Variants in PIGK observed in about 807,000 individuals in gnomAD.
PIGK encodes the protein GPI-anchor transamidase.
PIGK carries 42 observed loss-of-function variants against 50.6 expected under a neutral mutation model. That is an observed-to-expected ratio of 0.83 (90% confidence interval 0.65 to 1.07). The LOEUF (loss-of-function observed/expected upper bound fraction) is 1.07, where lower values mean the gene tolerates loss of function less well. PIGK is among the 50% of genes least tolerant of loss of function. The pLI, the probability that PIGK is intolerant of heterozygous loss-of-function variation, is 0.00. For synonymous variants in PIGK, 151 were observed against 156.0 expected (o/e 0.97, Z 0.24); for missense variants, 448 against 488.7 (o/e 0.92, Z 0.78).
At chr1:77,137,109 A>G (rs543580207) in intron 9 of PIGK, among the ~76,000 whole-genome samples, 1 of 152,300 alleles carries the variant, frequency 6.6e-6, no homozygotes, top group African/African-American at 2.4e-5. Flanking sequence ...ACAGGGCTCC[A>G]GTTTCAAATC....
intron 9 of PIGK, among the ~76,000 whole-genome samples, chr1:77,134,768 G>A (rs1054355151): frequency 6.6e-6 from 1 of 152,032 alleles, no homozygotes; most frequent in Non-Finnish European, 1.5e-5. Flanking sequence ...TAAGCCTACT[G>A]CAAATTATTC....
intron 10 of PIGK, among the ~76,000 whole-genome samples, chr1:77,100,128 G>A (rs928305842): frequency 1.3e-5 from 2 of 152,038 alleles, no homozygotes; most frequent in Non-Finnish European, 2.9e-5. Flanking sequence ...TTAAAATTAT[G>A]TAAAAAGAAA....
At chr1:77,219,252 T>A in intron 1 of PIGK, 58 bp downstream of exon 1, 1 of 1,394,588 alleles carries the variant, frequency 7.2e-7, no homozygotes, top group Non-Finnish European at 1.0e-6. Flanking sequence ...GTATCGGACA[T>A]CTGCTGGAGG....
At chr1:77,172,778 G>T (rs1292972140) in intron 3 of PIGK, among the ~76,000 whole-genome samples, 2 of 151,972 alleles carry the variant, frequency 1.3e-5, no homozygotes, top group Non-Finnish European at 2.9e-5. Context: ...AAAAAAATTA[G>T]CCGGGCGTGA....
At chr1:77,136,536 CAAAAAAAAAAA>C (rs778130093) in intron 9 of PIGK, among the ~76,000 whole-genome samples, 2 of 63,672 alleles carry the variant, frequency 3.1e-5, no homozygotes, top group Non-Finnish European at 5.8e-5. Context: ...GACTCCGTCT[CAAAAAAAAAAA>C]AAAAAAAAAA....
At chr1:77,124,767 T>G (rs1202395255) in intron 9 of PIGK, among the ~76,000 whole-genome samples, 1 of 152,150 alleles carries the variant, frequency 6.6e-6, no homozygotes, top group East Asian at 1.9e-4. Context: ...TTGCAAATCA[T>G]ATAACCAAAA....
intron 9 of PIGK, among the ~76,000 whole-genome samples, chr1:77,136,710 T>C (rs1654527631): frequency 6.6e-6 from 1 of 152,204 alleles, no homozygotes; most frequent in African/African-American, 2.4e-5. Flanking sequence ...TTGAACTACC[T>C]TCAAAATGCA....
intron 9 of PIGK, among the ~76,000 whole-genome samples, chr1:77,135,511 T>G (rs1208414192): frequency 7.2e-5 from 11 of 152,048 alleles, no homozygotes; most frequent in Non-Finnish European, 1.3e-4. Flanking sequence ...TTTAATATCA[T>G]TATATTTTCT....
chr1:77,106,010 C>G (rs1357427878), intron 10 of PIGK, among the ~76,000 whole-genome samples: 1 of 152,064 alleles, frequency 6.6e-6, no homozygotes. Context: ...GAAAATGCAC[C>G]AAGTTAAAAA....
chr1:77,106,105 G>A (rs1221763619), intron 10 of PIGK, among the ~76,000 whole-genome samples: 7 of 152,160 alleles, frequency 4.6e-5, no homozygotes, highest in Non-Finnish European at 1.0e-4. Context: ...CTTGTTTCCC[G>A]TTACGCAAAT....
At chr1:77,188,310 G>C (rs1655799686) in intron 3 of PIGK, among the ~76,000 whole-genome samples, 1 of 152,110 alleles carries the variant, frequency 6.6e-6, no homozygotes, top group African/African-American at 2.4e-5. Flanking sequence ...TGTGCCTGGA[G>C]GTATAGGCTT....
At chr1:77,126,210 T>C (rs1270288235) in intron 9 of PIGK, among the ~76,000 whole-genome samples, 1 of 152,178 alleles carries the variant, frequency 6.6e-6, no homozygotes, top group African/African-American at 2.4e-5. Flanking sequence ...CTTCCCTTTT[T>C]ATTTGTGCTT....
intron 8 of PIGK, among the ~76,000 whole-genome samples, chr1:77,158,181 T>A (rs1655054618): frequency 6.6e-6 from 1 of 151,936 alleles, no homozygotes; most frequent in Non-Finnish European, 1.5e-5. Context: ...CATGCCCAGC[T>A]AATTTTTGTA....
chr1:77,183,126 G>A (rs1334089148), intron 3 of PIGK, among the ~76,000 whole-genome samples: 1 of 152,202 alleles, frequency 6.6e-6, no homozygotes, highest in African/African-American at 2.4e-5. Flanking sequence ...AATGAAAAAT[G>A]CATGGACAGC....
intron 10 of PIGK, among the ~76,000 whole-genome samples, chr1:77,095,269 GA>G (rs1461258147): frequency 6.6e-6 from 1 of 152,126 alleles, no homozygotes; most frequent in Non-Finnish European, 1.5e-5. Context: ...GTTAACCTCT[GA>G]TGAGAAATCT....
chr1:77,199,106 T>C (rs839823), intron 3 of PIGK, among the ~76,000 whole-genome samples: 26,599 of 152,038 alleles, frequency 0.17, 3,985 homozygotes, highest in African/African-American at 0.41. Flanking sequence ...CATGGTCTTG[T>C]TAGACTTGCA....
At chr1:77,104,315 A>G (rs1227302858) in intron 10 of PIGK, among the ~76,000 whole-genome samples, 1 of 152,188 alleles carries the variant, frequency 6.6e-6, no homozygotes, top group African/African-American at 2.4e-5. Flanking sequence ...CTGAAAGCAG[A>G]TATTTTAAAT....
At chr1:77,205,981 TG>T (rs1439151875) in intron 3 of PIGK, among the ~76,000 whole-genome samples, 1 of 152,068 alleles carries the variant, frequency 6.6e-6, no homozygotes, top group African/African-American at 2.4e-5. Flanking sequence ...AGCACAGACA[TG>T]GGTGCTGAAC....
intron 3 of PIGK, among the ~76,000 whole-genome samples, chr1:77,193,496 T>G (rs946023910): frequency 6.6e-6 from 1 of 152,166 alleles, no homozygotes; most frequent in Non-Finnish European, 1.5e-5. Context: ...CCCGAAGATA[T>G]GTCTTTCTCC....
Sources: gnomAD v4.1 joint callset for allele counts (sites outside exome capture counted in the v4.1 genomes callset) on GRCh38, gnomAD v4.1.1 for gene constraint, MANE v1.5 for transcripts, NCBI Gene and HGNC (gene_info 2026-07-23, HGNC 2026-07-21) for gene names.